Variants in WDR47 observed in about 807,000 individuals in gnomAD.
The protein encoded by WDR47 is WD repeat domain 47.
WDR47 carries 32 observed loss-of-function variants against 97.2 expected under a neutral mutation model. That is an observed-to-expected ratio of 0.33 (90% CI 0.25 to 0.44). The LOEUF (loss-of-function observed/expected upper bound fraction) is 0.44. WDR47 is among the 20% of genes least tolerant of loss of function. The pLI is 1.00. For synonymous variants in WDR47, 375 were observed against 373.5 expected (o/e 1.00, Z -0.05); for missense variants, 782 against 1,102.3 (o/e 0.71, Z 4.11).
chr1:108,990,522 T>TA (rs1355265838), intron 9 of WDR47, among the ~76,000 whole-genome samples: 1 of 152,130 alleles, frequency 6.6e-6, no homozygotes, highest in Non-Finnish European at 1.5e-5. Flanking sequence ...TATTTTTTTT[T>TA]AAATCAAAGG....
At chr1:109,015,406 C>A (rs1661343066) in intron 3 of WDR47, among the ~76,000 whole-genome samples, 1 of 152,098 alleles carries the variant, frequency 6.6e-6, no homozygotes, top group Non-Finnish European at 1.5e-5. Context: ...TCACTGCAAC[C>A]CCTGCCTCCC....
At chr1:108,983,550 G>A (rs1658513445) in intron 10 of WDR47, 99 bp from the exon 11 acceptor site, 12 of 1,046,364 alleles carry the variant, frequency 1.1e-5, no homozygotes, top group Non-Finnish European at 1.5e-5. Flanking sequence ...AGGAGAAAAA[G>A]CGTGTCAGAC....
chr1:109,007,506 A>G (rs964358904), intron 5 of WDR47, among the ~76,000 whole-genome samples: 31 of 152,176 alleles, frequency 2.0e-4, no homozygotes, highest in African/African-American at 7.0e-4. Context: ...AAATAGGTGC[A>G]TTTGTTCCAA....
intron 5 of WDR47, among the ~76,000 whole-genome samples, chr1:109,005,338 A>C (rs1660516399): frequency 3.3e-5 from 5 of 151,796 alleles, no homozygotes. Flanking sequence ...TCCTGATCCC[A>C]GGAGGTAGAG....
rs994957305 is a variant in WDR47 at position 109,000,167 on chromosome 1, C to A, written c.1433+2057G>T. Among the ~76,000 whole-genome samples the A allele has an allele frequency of 3.3e-5, 5 of 151,982 alleles. No homozygotes were observed. The East Asian group carries it at 9.6e-4, about 29-fold the overall frequency. On this transcript the variant is annotated intron_variant, in intron 7 of 14. Coordinates refer to ENST00000369962, the MANE Select transcript of WDR47 (RefSeq NM_001142551.2). ...TCAAGGTTACAGTGAGCTATGATCA[C>A]ACCACTGCACTCCAGCCTAACATGA...
intron 8 of WDR47, among the ~76,000 whole-genome samples, chr1:108,991,673 T>C (rs774585460): frequency 1.6e-4 from 25 of 152,170 alleles, no homozygotes; most frequent in Admixed American, 5.2e-4. Context: ...AGGAAAATTA[T>C]CTGGCCCAAG....
In WDR47 at chr1:109,002,696, G is replaced by A. The variant is rs1373577118; in HGVS notation, c.1255-294C>T. ...TGGTTACAAGGGGGCCATGATCAGA[G>A]AAAATGAATGTAGATAAAGACTAAT... On this transcript the variant is annotated intron_variant, in intron 6 of 14. Coordinates refer to ENST00000369962, the MANE Select transcript of WDR47 (RefSeq NM_001142551.2). Among the ~76,000 whole-genome samples the A allele has an allele frequency of 2.6e-5, 4 of 152,142 alleles. No homozygotes were observed. In the East Asian group the frequency reaches 7.7e-4, roughly 29 times the overall value.
At position 108,988,589 on chromosome 1, in the gene WDR47, G is replaced by A. The variant is rs554219684; in HGVS notation, c.1768-1909C>T. Among the ~76,000 whole-genome samples, 14 of 152,010 alleles carry A rather than the reference G, an allele frequency of 9.2e-5. 1 individual carries two copies. In the South Asian group the frequency reaches 2.3e-3, roughly 25 times the overall value. ...CACAGCTACTCAGGGCGCTGGGGTGGGGGGATCACTTGAGCCTGGGAGGTC... is the reference window on the plus strand; with the variant it reads ...CACAGCTACTCAGGGCGCTGGGGTGAGGGGATCACTTGAGCCTGGGAGGTC... On this transcript the variant is annotated intron_variant, in intron 9 of 14. Coordinates refer to ENST00000369962, the MANE Select transcript of WDR47 (RefSeq NM_001142551.2).
intron 10 of WDR47, 120 bp downstream of exon 10, chr1:108,986,403 T>TTAA (rs1384487971): frequency 2.3e-6 from 2 of 868,258 alleles, no homozygotes; most frequent in Non-Finnish European, 3.3e-6. Context: ...AAAATAAAGT[T>TTAA]TAATCGAAGG....
intron 1 of WDR47, among the ~76,000 whole-genome samples, chr1:109,037,328 T>TA (rs67766358): frequency 0.22 from 25,503 of 116,770 alleles, 2,599 homozygotes; most frequent in Admixed American, 0.32. Flanking sequence ...AAACTCCGTC[T>TA]AAAAAAAAAA....
At chr1:109,009,796 A>G (rs1660895881) in intron 5 of WDR47, among the ~76,000 whole-genome samples, 1 of 152,076 alleles carries the variant, frequency 6.6e-6, no homozygotes, top group African/African-American at 2.4e-5. Context: ...TCAGGAGTTC[A>G]TGACCAGCCT....
Position 108,971,256 on chromosome 1 carries a change from G to A in WDR47, c.*174C>T. 1.2e-6 allele frequency: 1 copy of A among 822,566 alleles called. No individual in the cohort carries two copies. Among genetic ancestry groups the A allele is most frequent in the Non-Finnish European group, 1.8e-6 (1 of 545,450 alleles). 51.0% of individuals were successfully genotyped at this position (822,566 alleles called of 1,614,324 possible). A position where few individuals can be genotyped will look rare whatever the true frequency, so the allele number is the denominator to read the frequency against. ...CACGAGCTCACATGGAAGACTGAAA[G>A]CACTGCGGAATAACACCACCCAACA... On this transcript the variant is annotated 3_prime_UTR_variant, in exon 15 of 15. Transcript: ENST00000369962.
At chr1:109,015,490 A>ATT (rs11463606) in intron 3 of WDR47, among the ~76,000 whole-genome samples, 1 of 150,126 alleles carries the variant, frequency 6.7e-6, no homozygotes, top group Non-Finnish European at 1.5e-5. Context: ...CATCCAGCCA[A>ATT]TTTTTTTTTG....
chr1:108,982,436 G>A (rs1253978631), intron 12 of WDR47, among the ~76,000 whole-genome samples, 173 bp downstream of exon 12: 1 of 152,152 alleles, frequency 6.6e-6, no homozygotes, highest in Non-Finnish European at 1.5e-5. Context: ...AGGAGGCTGG[G>A]TGGGAGGATC....
intron 1 of WDR47, among the ~76,000 whole-genome samples, chr1:109,026,226 C>T (rs11485105): frequency 0.11 from 16,175 of 151,744 alleles, 997 homozygotes; most frequent in African/African-American, 0.16. Context: ...TTTTATTTTA[C>T]TTTTTGTAGA....
At chr1:109,012,860 G>A (rs1201060035) in intron 4 of WDR47, among the ~76,000 whole-genome samples, 1 of 152,134 alleles carries the variant, frequency 6.6e-6, no homozygotes, top group Non-Finnish European at 1.5e-5. Context: ...TCATGTTCCA[G>A]TGTTCTTTTC....
intron 1 of WDR47, among the ~76,000 whole-genome samples, chr1:109,036,045 T>C (rs1486230983): frequency 2.0e-5 from 3 of 152,156 alleles, no homozygotes; most frequent in East Asian, 1.9e-4. Context: ...TATATACATA[T>C]TAAAGGATTA....
intron 1 of WDR47, among the ~76,000 whole-genome samples, chr1:109,036,182 C>A (rs1662928035): frequency 6.6e-6 from 1 of 152,106 alleles, no homozygotes; most frequent in African/African-American, 2.4e-5. Flanking sequence ...ATTGTCTAAT[C>A]GATCCTTACA....
At chr1:109,021,271 T>C (rs1661817719) in intron 2 of WDR47, among the ~76,000 whole-genome samples, 1 of 152,136 alleles carries the variant, frequency 6.6e-6, no homozygotes, top group Admixed American at 6.6e-5. Flanking sequence ...CTCATGTCTG[T>C]AATCCCAGCA....
Sources: gnomAD v4.1 joint callset for allele counts (sites outside exome capture counted in the v4.1 genomes callset) on GRCh38, gnomAD v4.1.1 for gene constraint, MANE v1.5 for transcripts, NCBI Gene and HGNC (gene_info 2026-07-23, HGNC 2026-07-21) for gene names.